Variants in FBXW7 observed in about 807,000 individuals in gnomAD.
FBXW7 encodes F-box/WD repeat-containing protein 7.
In FBXW7, 11 loss-of-function variants were observed where a neutral mutation model predicts 86.3. The ratio of observed to expected loss-of-function variants is 0.13; its 90% confidence interval spans 0.08 to 0.21. The LOEUF (loss-of-function observed/expected upper bound fraction) is 0.21, where lower values mean the gene tolerates loss of function less well. Among genes scored for constraint, FBXW7 ranks in the 10% least tolerant of loss-of-function variants. The pLI, the probability that FBXW7 is intolerant of heterozygous loss-of-function variation, is 1.00. For missense variants in FBXW7, 488 were observed against 847.4 expected (o/e 0.58, Z 5.27); for synonymous variants, 313 against 297.9 (o/e 1.05, Z -0.52).
intron 2 of FBXW7, among the ~76,000 whole-genome samples, chr4:152,468,618 G>A (rs1020236344): frequency 6.6e-6 from 1 of 152,064 alleles, no homozygotes; most frequent in African/African-American, 2.4e-5. Flanking sequence ...TCCAGAAGAA[G>A]GATGATGAAA....
At chr4:152,338,347 A>G (rs867430629) in intron 6 of FBXW7, among the ~76,000 whole-genome samples, 12 of 152,098 alleles carry the variant, frequency 7.9e-5, no homozygotes, top group Middle Eastern at 3.2e-3. Flanking sequence ...GATGGTTTTA[A>G]TAAGGCACTC....
chr4:152,429,984 G>T (rs2126945376), intron 2 of FBXW7, among the ~76,000 whole-genome samples: 1 of 152,270 alleles, frequency 6.6e-6, no homozygotes, highest in Non-Finnish European at 1.5e-5. Flanking sequence ...TGTTGTTGTT[G>T]TTGTTATTGA....
At chr4:152,415,505 C>A (rs1021154753) in intron 2 of FBXW7, among the ~76,000 whole-genome samples, 1 of 152,058 alleles carries the variant, frequency 6.6e-6, no homozygotes, top group Non-Finnish European at 1.5e-5. Context: ...AGAGCCAACA[C>A]CCTCCACTTC....
chr4:152,478,825 T>C (rs1744637811), intron 2 of FBXW7, among the ~76,000 whole-genome samples: 2 of 152,144 alleles, frequency 1.3e-5, no homozygotes, highest in Non-Finnish European at 2.9e-5. Context: ...ACTCTTCATA[T>C]GTGTTTATTG....
chr4:152,438,628 T>G (rs549511494), intron 2 of FBXW7, among the ~76,000 whole-genome samples: 6 of 152,140 alleles, frequency 3.9e-5, no homozygotes, highest in African/African-American at 1.4e-4. Context: ...TGAGCCGAGA[T>G]TACATCACTG....
At chr4:152,455,754 G>T (rs1297743047) in intron 2 of FBXW7, among the ~76,000 whole-genome samples, 1 of 152,098 alleles carries the variant, frequency 6.6e-6, no homozygotes. Context: ...CTTAGCTCAT[G>T]GCCCCTTCCC....
At chr4:152,348,254 G>A (rs966970388) in intron 5 of FBXW7, among the ~76,000 whole-genome samples, 1 of 151,772 alleles carries the variant, frequency 6.6e-6, no homozygotes, top group Non-Finnish European at 1.5e-5. Context: ...AGTATAAATC[G>A]AAGACAATCT....
At chr4:152,339,587 A>G (rs1301422021) in intron 6 of FBXW7, among the ~76,000 whole-genome samples, 1 of 152,176 alleles carries the variant, frequency 6.6e-6, no homozygotes, top group African/African-American at 2.4e-5. Context: ...TAGACAATGC[A>G]TGGACACTAA....
At position 152,536,030 on chromosome 4, in the gene FBXW7, C is replaced by T; in HGVS notation, c.-1116G>A. On this transcript the variant is annotated 5_prime_UTR_variant, in exon 1 of 14. Transcript: ENST00000281708. Reference sequence around the variant, plus strand: ...GCGGCGGCGGCAGCGGCAGCGGCAGCGCCCGGAGCTCAGCTCGCTGTCTCC... The same window carrying T: ...GCGGCGGCGGCAGCGGCAGCGGCAGTGCCCGGAGCTCAGCTCGCTGTCTCC... 1 of 217,248 alleles carries T rather than the reference C, an allele frequency of 4.6e-6. No individual in the cohort carries two copies. Among genetic ancestry groups the T allele is most frequent in the Non-Finnish European group, 9.0e-6 (1 of 110,718 alleles). The allele number at this position is 217,248 out of a possible 1,614,324, so 13.5% of individuals were successfully genotyped here. A position where few individuals can be genotyped will look rare whatever the true frequency, so the allele number is the denominator to read the frequency against.
At chr4:152,388,391 T>C (rs1012129579) in intron 4 of FBXW7, among the ~76,000 whole-genome samples, 2 of 152,156 alleles carry the variant, frequency 1.3e-5, no homozygotes, top group African/African-American at 4.8e-5. Context: ...AAGCATTGCA[T>C]GTACATGCCT....
chr4:152,398,603 A>G (rs1736635683), intron 4 of FBXW7, among the ~76,000 whole-genome samples: 2 of 152,182 alleles, frequency 1.3e-5, no homozygotes, highest in South Asian at 4.1e-4. Flanking sequence ...AAGAAAAAAC[A>G]AAAGAATGGG....
intron 11 of FBXW7, among the ~76,000 whole-genome samples, chr4:152,327,229 C>A (rs1473626111): frequency 2.6e-5 from 4 of 151,854 alleles, no homozygotes; most frequent in African/African-American, 9.7e-5. Flanking sequence ...GATACTCATC[C>A]CCCAAATTTT....
At chr4:152,386,199 G>C (rs368832269) in intron 4 of FBXW7, among the ~76,000 whole-genome samples, 24 of 152,084 alleles carry the variant, frequency 1.6e-4, no homozygotes, top group Middle Eastern at 3.4e-3. Context: ...CTTAAAAACA[G>C]ACAAGCTCTT....
At chr4:152,425,678 T>G (rs1489246076) in intron 2 of FBXW7, among the ~76,000 whole-genome samples, 1 of 150,438 alleles carries the variant, frequency 6.6e-6, no homozygotes, top group Non-Finnish European at 1.5e-5. Context: ...TATGGCCAAG[T>G]ACAAAGGACC....
intron 4 of FBXW7, among the ~76,000 whole-genome samples, chr4:152,408,345 T>A (rs1737615084): frequency 6.6e-6 from 1 of 152,216 alleles, no homozygotes; most frequent in Non-Finnish European, 1.5e-5. Flanking sequence ...AAAACAACTT[T>A]TTTTAAAAAA....
chr4:152,365,431 A>G (rs1450427920), intron 4 of FBXW7, among the ~76,000 whole-genome samples: 1 of 152,170 alleles, frequency 6.6e-6, no homozygotes, highest in African/African-American at 2.4e-5. Flanking sequence ...TGTGTGAGGA[A>G]GTTATTCCAC....
chr4:152,442,618 AC>A (rs1370535794), intron 2 of FBXW7, among the ~76,000 whole-genome samples: 1 of 152,236 alleles, frequency 6.6e-6, no homozygotes, highest in Non-Finnish European at 1.5e-5. Flanking sequence ...ATGCCAGTAC[AC>A]ATGTACTGAC....
chr4:152,527,865 T>TACACAC (rs149379203), intron 2 of FBXW7, among the ~76,000 whole-genome samples: 2,399 of 137,412 alleles, frequency 0.017, 23 homozygotes, highest in Middle Eastern at 0.043. Flanking sequence ...AAAAATTATA[T>TACACAC]ACACACACAC....
intron 8 of FBXW7, among the ~76,000 whole-genome samples, chr4:152,331,415 T>C (rs917377048): frequency 3.3e-5 from 5 of 152,042 alleles, no homozygotes; most frequent in Non-Finnish European, 7.4e-5. Context: ...ACACATGCTA[T>C]GACATGGATG....
Sources: allele counts gnomAD v4.1 joint callset (sites outside exome capture counted in the v4.1 genomes callset), GRCh38; gene constraint gnomAD v4.1.1; transcripts MANE v1.5; gene names NCBI Gene and HGNC (gene_info 2026-07-23, HGNC 2026-07-21).